Variants in TNR observed in about 807,000 individuals in gnomAD.
TNR encodes tenascin R.
TNR carries 45 observed loss-of-function variants against 150.4 expected under a neutral mutation model. That is an observed-to-expected ratio of 0.30 (90% confidence interval 0.24 to 0.38). The LOEUF is 0.38. Among genes scored for constraint, TNR ranks in the 10% least tolerant of loss-of-function variants. The probability of loss-of-function intolerance (pLI) is 1.00; values close to 1 mark genes in which losing one functional copy is unlikely to be tolerated. For missense variants in TNR, 1,544 were observed against 1,759.1 expected, an observed-to-expected ratio of 0.88 and a Z score of 2.19; for synonymous variants, 687 against 678.4, an observed-to-expected ratio of 1.01 and a Z score of -0.20.
intron 2 of TNR, among the ~76,000 whole-genome samples, chr1:175,511,972 C>T (rs966172191): frequency 6.6e-5 from 10 of 152,208 alleles, no homozygotes; most frequent in African/African-American, 2.2e-4. Context: ...TGGGTAACCA[C>T]TGTGATCCAG....
At chr1:175,628,062 C>T (rs912676291) in intron 1 of TNR, among the ~76,000 whole-genome samples, 6 of 152,192 alleles carry the variant, frequency 3.9e-5, no homozygotes, top group Non-Finnish European at 7.3e-5. Context: ...AAGCTTATTT[C>T]CTTGGAAGCC....
chr1:175,562,723 T>C (rs1357068673), intron 1 of TNR, among the ~76,000 whole-genome samples: 4 of 152,226 alleles, frequency 2.6e-5, no homozygotes, highest in African/African-American at 4.8e-5. Flanking sequence ...GTCTCCCTCC[T>C]GAGGCAGACT....
chr1:175,531,203 T>C (rs1660054374), intron 1 of TNR, among the ~76,000 whole-genome samples: 1 of 152,210 alleles, frequency 6.6e-6, no homozygotes, highest in Non-Finnish European at 1.5e-5. Context: ...GTGCCAATCT[T>C]CCTGAAGTCA....
rs1571701195 is a variant in TNR at position 175,638,131 on chromosome 1, A to G, written c.-165+105095T>C. On this transcript the variant is annotated intron_variant, in intron 1 of 22. Transcript: ENST00000367674. ...GTGGAGCAGGAAGTGCAGAACTTCT[A>G]GGAATGTCCCTAATACCTGATGCTG... Among the ~76,000 whole-genome samples the G allele has an allele frequency of 2.0e-5, 3 of 152,206 alleles. 1 individual carries two copies. The South Asian group carries it at 6.2e-4, about 32-fold the overall frequency.
chr1:175,359,355 A>G (rs1651485145), intron 15 of TNR, among the ~76,000 whole-genome samples: 1 of 151,882 alleles, frequency 6.6e-6, no homozygotes, highest in Non-Finnish European at 1.5e-5. Flanking sequence ...CATGTAGGCC[A>G]GGCTGGTCTT....
chr1:175,332,617 C>A (rs964383864), intron 20 of TNR, among the ~76,000 whole-genome samples: 3 of 152,162 alleles, frequency 2.0e-5, no homozygotes, highest in African/African-American at 4.8e-5. Flanking sequence ...TTTAAGTTCC[C>A]TACTGTGCCT....
At chr1:175,457,297 A>T (rs1656610333) in intron 2 of TNR, among the ~76,000 whole-genome samples, 1 of 152,164 alleles carries the variant, frequency 6.6e-6, no homozygotes, top group Non-Finnish European at 1.5e-5. Flanking sequence ...AACCACTAGG[A>T]TGTGTTGGGA....
At chr1:175,719,762 C>A (rs993788216) in intron 1 of TNR, among the ~76,000 whole-genome samples, 1 of 152,172 alleles carries the variant, frequency 6.6e-6, no homozygotes, top group African/African-American at 2.4e-5. Context: ...AGCAAGTTCT[C>A]CTTTATTTCC....
intron 1 of TNR, among the ~76,000 whole-genome samples, chr1:175,738,568 G>A (rs1029048497): frequency 6.6e-6 from 1 of 152,200 alleles, no homozygotes; most frequent in Non-Finnish European, 1.5e-5. Context: ...GGAAAAATGA[G>A]AAAGTTCGGA....
intron 20 of TNR, chr1:175,333,516 C>T (rs544742432): frequency 9.9e-5 from 15 of 152,194 alleles, no homozygotes; most frequent in Non-Finnish European, 1.9e-4. Flanking sequence ...ATTTACCTTA[C>T]ATTTTTATTG....
At chr1:175,742,450 A>T (rs1350216401) in intron 1 of TNR, among the ~76,000 whole-genome samples, 1 of 152,170 alleles carries the variant, frequency 6.6e-6, no homozygotes, top group Non-Finnish European at 1.5e-5. Context: ...ATAGCCAAAG[A>T]TGGCATAAAA....
chr1:175,403,972 G>A (rs1653838419), intron 3 of TNR, among the ~76,000 whole-genome samples: 1 of 152,152 alleles, frequency 6.6e-6, no homozygotes, highest in Non-Finnish European at 1.5e-5. Flanking sequence ...AGGGAAGAGT[G>A]GAAAGTTGGG....
chr1:175,370,815 C>T (rs1028586218), intron 9 of TNR, among the ~76,000 whole-genome samples: 10 of 152,114 alleles, frequency 6.6e-5, no homozygotes, highest in Admixed American at 1.3e-4. Context: ...TAACATGTAA[C>T]ATTTTCATCC....
intron 18 of TNR, among the ~76,000 whole-genome samples, chr1:175,352,408 G>C (rs920253188): frequency 6.6e-6 from 1 of 152,224 alleles, no homozygotes; most frequent in Non-Finnish European, 1.5e-5. Context: ...TCTGTCATCT[G>C]TGTCCTTTTT....
chr1:175,422,914 C>T (rs1654819158), intron 2 of TNR, among the ~76,000 whole-genome samples: 1 of 152,200 alleles, frequency 6.6e-6, no homozygotes, highest in African/African-American at 2.4e-5. Context: ...TGAGCTAGGT[C>T]ATAGGTACTC....
chr1:175,439,404 C>T (rs1322523587), intron 2 of TNR, among the ~76,000 whole-genome samples: 2 of 152,038 alleles, frequency 1.3e-5, no homozygotes, highest in Non-Finnish European at 2.9e-5. Context: ...AAATGTTAGA[C>T]CTAAAACCAT....
chr1:175,695,922 A>G (rs755361551), intron 1 of TNR, among the ~76,000 whole-genome samples: 1 of 152,174 alleles, frequency 6.6e-6, no homozygotes, highest in African/African-American at 2.4e-5. Flanking sequence ...CAATATAGTC[A>G]TTGAATACAT....
At chr1:175,671,609 CAA>C (rs1665698780) in intron 1 of TNR, among the ~76,000 whole-genome samples, 1 of 152,154 alleles carries the variant, frequency 6.6e-6, no homozygotes, top group African/African-American at 2.4e-5. Flanking sequence ...CTCAGATAAA[CAA>C]TAAACAAATA....
intron 1 of TNR, among the ~76,000 whole-genome samples, chr1:175,567,611 A>G (rs1320541582): frequency 6.6e-6 from 1 of 152,232 alleles, no homozygotes; most frequent in Non-Finnish European, 1.5e-5. Flanking sequence ...AACTCTTTCT[A>G]TCTAAGGTGG....
Sources: gnomAD v4.1 joint callset for allele counts (sites outside exome capture counted in the v4.1 genomes callset) on GRCh38, gnomAD v4.1.1 for gene constraint, MANE v1.5 for transcripts, NCBI Gene and HGNC (gene_info 2026-07-23, HGNC 2026-07-21) for gene names.